STX18: variants seen among roughly 807,000 people sequenced by gnomAD.
The protein encoded by STX18 is syntaxin 18.
STX18 carries 40 observed loss-of-function variants against 50.1 expected under a neutral mutation model. The ratio of observed to expected loss-of-function variants is 0.80; its 90% CI spans 0.62 to 1.04. STX18 has a LOEUF of 1.04. Among genes scored for constraint, STX18 ranks in the 50% least tolerant of loss-of-function variants. STX18 has a pLI of 0.00. For synonymous variants in STX18, 158 were observed against 151.8 expected (o/e 1.04, Z -0.30); for missense variants, 410 against 415.8 (o/e 0.99, Z 0.12).
intron 5 of STX18, among the ~76,000 whole-genome samples, chr4:4,455,870 C>T (rs781183361): frequency 1.3e-5 from 2 of 152,158 alleles, no homozygotes; most frequent in East Asian, 1.9e-4. Flanking sequence ...TGTTTTGCTT[C>T]GTATCCTTTC....
chr4:4,461,668 T>C (rs1415578374), intron 2 of STX18, among the ~76,000 whole-genome samples: 2 of 152,152 alleles, frequency 1.3e-5, no homozygotes, highest in African/African-American at 4.8e-5. Context: ...CTTTAAGCAG[T>C]CTACCACCTT....
At chr4:4,532,316 T>C (rs979980043) in intron 1 of STX18, among the ~76,000 whole-genome samples, 1 of 152,230 alleles carries the variant, frequency 6.6e-6, no homozygotes, top group African/African-American at 2.4e-5. Context: ...CACTTACTAA[T>C]TTTATAATCA....
chr4:4,438,286 C>T, intron 6 of STX18, 108 bp downstream of exon 6: 2 of 866,226 alleles, frequency 2.3e-6, no homozygotes, highest in Non-Finnish European at 1.8e-6. Flanking sequence ...TATGCAAATA[C>T]AAACACCAAA....
At chr4:4,493,402 A>G (rs1729030601) in intron 1 of STX18, among the ~76,000 whole-genome samples, 2 of 152,130 alleles carry the variant, frequency 1.3e-5, no homozygotes, top group Admixed American at 1.3e-4. Flanking sequence ...AAAGAGACAG[A>G]AAGTGATTAG....
At chr4:4,452,983 G>T (rs560628870) in intron 5 of STX18, among the ~76,000 whole-genome samples, 210 of 152,308 alleles carry the variant, frequency 1.4e-3, no homozygotes, top group African/African-American at 4.9e-3. Flanking sequence ...GATTGGAAGT[G>T]GAGACTGAAG....
chr4:4,465,771 T>C (rs1727592226), intron 2 of STX18, among the ~76,000 whole-genome samples: 1 of 152,158 alleles, frequency 6.6e-6, no homozygotes, highest in Non-Finnish European at 1.5e-5. Context: ...AACTTAAAAG[T>C]TGGAAAAATA....
At chr4:4,492,991 A>C (rs1262736938) in intron 1 of STX18, among the ~76,000 whole-genome samples, 1 of 152,340 alleles carries the variant, frequency 6.6e-6, no homozygotes, top group East Asian at 1.9e-4. Flanking sequence ...AATAATTTTA[A>C]AAGTTATTCA....
chr4:4,473,431 T>TAC (rs1163479256), intron 1 of STX18, among the ~76,000 whole-genome samples: 2 of 151,820 alleles, frequency 1.3e-5, no homozygotes, highest in Non-Finnish European at 2.9e-5. Flanking sequence ...TAGCTGGGAC[T>TAC]ACAGGCACCC....
chr4:4,515,419 T>G (rs1730206788), intron 1 of STX18, among the ~76,000 whole-genome samples: 1 of 152,152 alleles, frequency 6.6e-6, no homozygotes, highest in African/African-American at 2.4e-5. Flanking sequence ...ATAGCCAAGG[T>G]TCCTGGATAA....
intron 1 of STX18, among the ~76,000 whole-genome samples, chr4:4,489,391 ATTTTTTTTTTTTTTTTTTTTTTTTT>A (rs34563523): frequency 3.9e-5 from 2 of 51,600 alleles, no homozygotes; most frequent in South Asian, 8.7e-4. Context: ...ATGCAAAATA[ATTTTTTTTTTTTTTTTTTTTTTTTT>A]TTTTTTTTTT....
At chr4:4,480,482 G>A (rs1042942121) in intron 1 of STX18, among the ~76,000 whole-genome samples, 3 of 152,100 alleles carry the variant, frequency 2.0e-5, no homozygotes, top group African/African-American at 2.4e-5. Flanking sequence ...CTGCTAACTC[G>A]AGGCCAGGTT....
intron 1 of STX18, among the ~76,000 whole-genome samples, chr4:4,500,498 T>TA (rs767798124): frequency 2.0e-5 from 3 of 152,188 alleles, no homozygotes; most frequent in Admixed American, 6.5e-5. Flanking sequence ...CTGTAGGTTA[T>TA]ACACAAATAC....
At chr4:4,508,151 G>A (rs1036344676) in intron 1 of STX18, among the ~76,000 whole-genome samples, 1 of 152,206 alleles carries the variant, frequency 6.6e-6, no homozygotes, top group Non-Finnish European at 1.5e-5. Context: ...TGAAGTGCCC[G>A]TGTGAAAAGC....
At chr4:4,466,756 C>T (rs550790050) in intron 2 of STX18, among the ~76,000 whole-genome samples, 10 of 152,118 alleles carry the variant, frequency 6.6e-5, no homozygotes, top group African/African-American at 9.7e-5. Flanking sequence ...TCTTGCCCAC[C>T]GCCCAGATAG....
intron 5 of STX18, among the ~76,000 whole-genome samples, chr4:4,451,271 A>C (rs543872463): frequency 6.6e-6 from 1 of 152,336 alleles, no homozygotes; most frequent in East Asian, 1.9e-4. Context: ...GAGAACATAA[A>C]GAGACAGAAG....
intron 5 of STX18, among the ~76,000 whole-genome samples, chr4:4,450,744 C>A (rs1296498890): frequency 1.3e-5 from 2 of 152,192 alleles, no homozygotes; most frequent in Non-Finnish European, 2.9e-5. Flanking sequence ...CCTCTCCTCC[C>A]TGCCCTGGAA....
At chr4:4,528,307 G>C (rs923499371) in intron 1 of STX18, among the ~76,000 whole-genome samples, 2 of 152,144 alleles carry the variant, frequency 1.3e-5, no homozygotes, top group African/African-American at 4.8e-5. Context: ...GCTGGGAGGT[G>C]TTGGATCATG....
intron 6 of STX18, among the ~76,000 whole-genome samples, chr4:4,435,101 C>T (rs1031118909): frequency 2.0e-5 from 3 of 152,094 alleles, no homozygotes; most frequent in African/African-American, 7.2e-5. Flanking sequence ...GACCTATGCA[C>T]GGTTTCAGTA....
chr4:4,508,867 T>C (rs994070580), intron 1 of STX18, among the ~76,000 whole-genome samples: 1 of 152,222 alleles, frequency 6.6e-6, no homozygotes. Flanking sequence ...TCCAACTCCA[T>C]CCATGTCCCT....
Sources: allele counts gnomAD v4.1 joint callset (sites outside exome capture counted in the v4.1 genomes callset), GRCh38; gene constraint gnomAD v4.1.1; transcripts MANE v1.5; gene names NCBI Gene and HGNC (gene_info 2026-07-23, HGNC 2026-07-21).